The following SMCO4 variants were observed in gnomAD, a reference collection of about 807,000 sequenced individuals.
The protein encoded by SMCO4 is single-pass membrane and coiled-coil domain-containing protein 4.
A neutral mutation model predicts 3.6 loss-of-function variants in SMCO4; 4 were observed. That is an observed-to-expected ratio of 1.11 (90% CI 0.54 to 2.53). SMCO4 has a LOEUF of 2.53. Among genes scored for constraint, SMCO4 ranks in the 30% most tolerant of loss-of-function variants. The pLI is 0.02. For synonymous variants in SMCO4, 36 were observed against 35.3 expected, an observed-to-expected ratio of 1.02 and a Z score of -0.07; for missense variants, 70 against 80.8, an observed-to-expected ratio of 0.87 and a Z score of 0.51.
chr11:93,490,039 GC>G (rs1384235466), intron 2 of SMCO4, among the ~76,000 whole-genome samples: 14 of 152,214 alleles, frequency 9.2e-5, no homozygotes, highest in Admixed American at 9.2e-4. Context: ...CCCAGAGCCA[GC>G]AGCAAAGGAG....
intron 2 of SMCO4, among the ~76,000 whole-genome samples, chr11:93,491,194 G>T (rs951504043): frequency 1.3e-5 from 2 of 152,200 alleles, no homozygotes; most frequent in Non-Finnish European, 2.9e-5. Context: ...CCAAGGCAAG[G>T]CTGGGGAAGA....
chr11:93,484,322 A>G lies in SMCO4; in HGVS notation c.-80-5053T>C, dbSNP rs371761398. On this transcript the variant is annotated intron_variant, in intron 2 of 2. Transcript: ENST00000298966. ...TGTATATAGATATGCATGTATGCAC[A>G]CATGCTAACTTCTTATATGCACTTT... 2.0e-5 allele frequency among the ~76,000 whole-genome samples: 3 copies of G among 152,350 alleles called. No homozygotes were observed. The South Asian group carries it at 6.2e-4, about 32-fold the overall frequency.
chr11:93,486,242 A>G (rs1948648967), intron 2 of SMCO4, among the ~76,000 whole-genome samples: 1 of 152,222 alleles, frequency 6.6e-6, no homozygotes, highest in Non-Finnish European at 1.5e-5. Context: ...TAGAAAGTCA[A>G]TAGTGCAGCT....
intron 1 of SMCO4, among the ~76,000 whole-genome samples, chr11:93,521,146 C>T (rs1949054583): frequency 1.3e-5 from 2 of 152,310 alleles, no homozygotes; most frequent in Middle Eastern, 3.4e-3. Context: ...AAAACCAGGA[C>T]ATCTCTTTGT....
rs760940483 is a variant in SMCO4 at position 93,479,201 on chromosome 11, G to A, written c.-12C>T. ...TTGAGCTGCCGCATCTTTCCTAGAG[G>A]ATGCTAGGAGGGTGTGTCCAGAGGG... On this transcript the variant is annotated 5_prime_UTR_variant, in exon 3 of 3. Transcript: ENST00000298966. The A allele has an allele frequency of 1.9e-6, 3 of 1,612,090 alleles. No individual in the cohort carries two copies. The highest frequency in any genetic ancestry group is 1.3e-5 in the African/African-American group (1 of 74,884).
chr11:93,535,686 C>A, intron 1 of SMCO4: 1 of 1,612,620 alleles, frequency 6.2e-7, no homozygotes, highest in East Asian at 2.2e-5. Flanking sequence ...TGGTGAGCTC[C>A]GAGGAAGTGA....
chr11:93,532,492 C>A (rs542391477), intron 1 of SMCO4, among the ~76,000 whole-genome samples: 3 of 152,354 alleles, frequency 2.0e-5, no homozygotes, highest in African/African-American at 7.2e-5. Context: ...AGTCCCGCTG[C>A]CAGCCTTCCT....
intron 1 of SMCO4, among the ~76,000 whole-genome samples, chr11:93,512,462 C>G (rs1404646769): frequency 6.6e-6 from 1 of 152,192 alleles, no homozygotes; most frequent in African/African-American, 2.4e-5. Context: ...ACTGACTCAC[C>G]CAAAGCAGTT....
chr11:93,549,137 T>G, the SMCO4 span, among the ~76,000 whole-genome samples: 1 of 152,182 alleles, frequency 6.6e-6, no homozygotes, highest in Non-Finnish European at 1.5e-5. Context: ...GTGTGTACAC[T>G]CACATGCATG....
At chr11:93,530,742 C>A (rs547758448) in intron 1 of SMCO4, among the ~76,000 whole-genome samples, 3 of 152,208 alleles carry the variant, frequency 2.0e-5, no homozygotes, top group Admixed American at 2.0e-4. Context: ...CCCCTTCACA[C>A]AGAATCCTCT....
chr11:93,538,312 C>T (rs1242715558), intron 1 of SMCO4, among the ~76,000 whole-genome samples: 1 of 152,164 alleles, frequency 6.6e-6, no homozygotes, highest in Admixed American at 6.5e-5. Context: ...AGTTTGGTGA[C>T]CACAAGTTAA....
intron 1 of SMCO4, among the ~76,000 whole-genome samples, chr11:93,528,304 GA>G (rs1949130364): frequency 6.6e-6 from 1 of 152,130 alleles, no homozygotes; most frequent in Admixed American, 6.5e-5. Context: ...ACATCATCCA[GA>G]AATAAAAAGC....
the SMCO4 span, among the ~76,000 whole-genome samples, chr11:93,548,829 G>T: frequency 6.6e-6 from 1 of 152,298 alleles, no homozygotes; most frequent in African/African-American, 2.4e-5. Context: ...GGTGGCTCAA[G>T]GGCCCTGGGT....
the SMCO4 span, among the ~76,000 whole-genome samples, chr11:93,552,907 G>T: frequency 6.6e-6 from 1 of 152,032 alleles, no homozygotes. Flanking sequence ...CAGCCTGCTG[G>T]GTTATTTCAT....
At chr11:93,501,854 T>C (rs1948842018) in intron 1 of SMCO4, among the ~76,000 whole-genome samples, 1 of 151,862 alleles carries the variant, frequency 6.6e-6, no homozygotes, top group African/African-American at 2.4e-5. Context: ...ACAGCCACCC[T>C]GTTTCTAAAT....
Position 93,478,803 on chromosome 11 carries a change from G to A in SMCO4, c.*207C>T. 2.2e-6 allele frequency: 3 copies of A among 1,388,824 alleles called. No individual in the cohort carries two copies. The highest frequency in any genetic ancestry group is 1.7e-5 in the South Asian group (1 of 60,368). The allele number at this position is 1,388,824 out of a possible 1,614,324, so 86.0% of individuals were successfully genotyped here. Reference sequence around the variant, plus strand: ...AGGCACATGAAGTGGACCATAAGGTGTATGGCACATTCACTGATAAAACAT... The same window carrying A: ...AGGCACATGAAGTGGACCATAAGGTATATGGCACATTCACTGATAAAACAT... On this transcript the variant is annotated 3_prime_UTR_variant, in exon 3 of 3. Transcript: ENST00000298966.
chr11:93,506,608 TTTTG>T (rs1406131491), intron 1 of SMCO4, among the ~76,000 whole-genome samples: 3 of 150,158 alleles, frequency 2.0e-5, no homozygotes, highest in African/African-American at 7.3e-5. Context: ...CTAGCTAATT[TTTTG>T]TTTTTTTTGT....
At chr11:93,506,529 C>T (rs554637920) in intron 1 of SMCO4, among the ~76,000 whole-genome samples, 3 of 151,934 alleles carry the variant, frequency 2.0e-5, no homozygotes, top group Admixed American at 2.0e-4. Context: ...ACCTCCACCT[C>T]CCAGGTTCAC....
At chr11:93,484,594 T>C (rs1450417262) in intron 2 of SMCO4, among the ~76,000 whole-genome samples, 2 of 152,124 alleles carry the variant, frequency 1.3e-5, no homozygotes, top group Non-Finnish European at 2.9e-5. Flanking sequence ...GAACAGGCCA[T>C]ACCAGAGGCT....
Sources: gnomAD v4.1 joint callset for allele counts (sites outside exome capture counted in the v4.1 genomes callset) on GRCh38, gnomAD v4.1.1 for gene constraint, MANE v1.5 for transcripts, NCBI Gene and HGNC (gene_info 2026-07-23, HGNC 2026-07-21) for gene names.